CNTNAP2: variants seen among roughly 807,000 people sequenced by gnomAD.
The protein encoded by CNTNAP2 is contactin-associated protein-like 2.
Under a neutral mutation model 155.2 loss-of-function variants are expected in CNTNAP2, and 98 were observed. That is an observed-to-expected ratio of 0.63 (90% CI 0.54 to 0.75). The LOEUF is 0.75. Among genes scored for constraint, CNTNAP2 ranks in the 30% least tolerant of loss-of-function variants. The pLI, the probability that CNTNAP2 is intolerant of heterozygous loss-of-function variation, is 0.00. For missense variants in CNTNAP2, 1,727 were observed against 1,688.1 expected (o/e 1.02, Z -0.40); for synonymous variants, 651 against 631.2 (o/e 1.03, Z -0.47).
intron 21 of CNTNAP2, among the ~76,000 whole-genome samples, chr7:148,322,692 A>C (rs1797814747): frequency 6.6e-6 from 1 of 152,058 alleles, no homozygotes; most frequent in South Asian, 2.1e-4. Flanking sequence ...CAGTTTATCC[A>C]ACCTTATTTC....
At chr7:147,981,730 C>T (rs1801533101) in intron 15 of CNTNAP2, among the ~76,000 whole-genome samples, 1 of 151,700 alleles carries the variant, frequency 6.6e-6, no homozygotes, top group South Asian at 2.1e-4. Context: ...TCAGTGCATG[C>T]CACTCAGATC....
At chr7:147,942,633 C>T (rs879411921) in intron 14 of CNTNAP2, among the ~76,000 whole-genome samples, 2 of 152,024 alleles carry the variant, frequency 1.3e-5, no homozygotes, top group Admixed American at 1.3e-4. Flanking sequence ...AATTGTCACC[C>T]TAAAATTTAG....
rs181061265 is a variant in CNTNAP2 at position 148,309,677 on chromosome 7, C to T, written c.3475+42551C>T. Among the ~76,000 whole-genome samples, 11 of 151,284 alleles carry T rather than the reference C, an allele frequency of 7.3e-5. No individual in the cohort carries two copies. The South Asian group carries it at 8.3e-4, about 11-fold the overall frequency. ...ATGAGCCAGGAGAAGGAATTTCACA[C>T]GATAATGTCATCAGTTAAGGCATGA... On this transcript the variant is annotated intron_variant, in intron 21 of 23. Coordinates refer to ENST00000361727, the MANE Select transcript of CNTNAP2 (RefSeq NM_014141.6).
At chr7:147,639,725 T>C (rs1795243491) in intron 13 of CNTNAP2, among the ~76,000 whole-genome samples, 1 of 152,176 alleles carries the variant, frequency 6.6e-6, no homozygotes, top group South Asian at 2.1e-4. Context: ...AATTTAGAGC[T>C]CTTTCTTCCC....
chr7:148,167,001 T>C (rs571484342), intron 17 of CNTNAP2, among the ~76,000 whole-genome samples: 1 of 152,320 alleles, frequency 6.6e-6, no homozygotes, highest in Non-Finnish European at 1.5e-5. Flanking sequence ...ACCTTCTAGC[T>C]CACTGTCCCA....
At chr7:148,149,559 G>T (rs545310991) in intron 17 of CNTNAP2, among the ~76,000 whole-genome samples, 3 of 152,234 alleles carry the variant, frequency 2.0e-5, no homozygotes, top group Admixed American at 1.3e-4. Context: ...GTGTGTGTGT[G>T]TTTTGAGATG....
intron 14 of CNTNAP2, among the ~76,000 whole-genome samples, chr7:147,921,135 A>G (rs2116780487): frequency 6.6e-6 from 1 of 151,988 alleles, no homozygotes; most frequent in Non-Finnish European, 1.5e-5. Context: ...TTTAACAGGC[A>G]GAGAAATGAT....
At chr7:147,478,767 G>A (rs906853979) in intron 10 of CNTNAP2, among the ~76,000 whole-genome samples, 3 of 152,144 alleles carry the variant, frequency 2.0e-5, no homozygotes, top group Non-Finnish European at 4.4e-5. Flanking sequence ...CTTAAAGAAA[G>A]CCTGGAAAAT....
At chr7:146,924,734 T>C (rs138054389) in intron 3 of CNTNAP2, among the ~76,000 whole-genome samples, 137 of 152,294 alleles carry the variant, frequency 9.0e-4, no homozygotes, top group African/African-American at 2.4e-3. Flanking sequence ...AATTCTAATC[T>C]TAATTGTAGT....
intron 1 of CNTNAP2, among the ~76,000 whole-genome samples, chr7:146,501,908 C>T (rs997188218): frequency 1.3e-5 from 2 of 151,972 alleles, no homozygotes; most frequent in Non-Finnish European, 2.9e-5. Context: ...TATTCATCAA[C>T]AAGCCATGGA....
chr7:146,245,841 C>T (rs1482292629), intron 1 of CNTNAP2, among the ~76,000 whole-genome samples: 1 of 149,524 alleles, frequency 6.7e-6, no homozygotes, highest in East Asian at 1.9e-4. Context: ...ATGACGGGTG[C>T]AAAGGAATAG....
At chr7:146,948,486 A>T (rs147098449) in intron 3 of CNTNAP2, among the ~76,000 whole-genome samples, 1 of 152,120 alleles carries the variant, frequency 6.6e-6, no homozygotes, top group Non-Finnish European at 1.5e-5. Context: ...CTATACTTTT[A>T]TAAATTAATG....
chr7:146,395,570 A>G (rs947189880), intron 1 of CNTNAP2, among the ~76,000 whole-genome samples: 1 of 152,122 alleles, frequency 6.6e-6, no homozygotes, highest in African/African-American at 2.4e-5. Flanking sequence ...AACTATTGCT[A>G]TGGGAAATGA....
At chr7:146,684,047 C>T (rs1208731868) in intron 1 of CNTNAP2, among the ~76,000 whole-genome samples, 2 of 152,184 alleles carry the variant, frequency 1.3e-5, no homozygotes, top group Non-Finnish European at 2.9e-5. Context: ...TCTTGGGTTA[C>T]GGCTCTCTCT....
chr7:148,371,023 G>A (rs999428166), intron 21 of CNTNAP2, among the ~76,000 whole-genome samples: 1 of 152,130 alleles, frequency 6.6e-6, no homozygotes, highest in African/African-American at 2.4e-5. Flanking sequence ...GCTCTGTCCA[G>A]AACTGATCAC....
In CNTNAP2 at chr7:146,835,029, C is replaced by T. The variant is rs1029812441; in HGVS notation, c.209-4682C>T. Among the ~76,000 whole-genome samples, 3 of 152,154 alleles carry T rather than the reference C, an allele frequency of 2.0e-5. No homozygotes were observed. The East Asian group carries it at 5.8e-4, about 29-fold the overall frequency. ...CTTTTGCCCTCCCCTTGAGGTTAAT[C>T]ACTACAGTATTCTCTCCACATATAT... On this transcript the variant is annotated intron_variant, in intron 2 of 23. Coordinates refer to ENST00000361727, the MANE Select transcript of CNTNAP2 (RefSeq NM_014141.6).
chr7:147,593,903 C>T (rs118127517), intron 12 of CNTNAP2, among the ~76,000 whole-genome samples: 1 of 152,146 alleles, frequency 6.6e-6, no homozygotes, highest in Non-Finnish European at 1.5e-5. Context: ...TAGTATAAAA[C>T]AGGCTCTCTC....
At chr7:147,299,077 A>G (rs1465791000) in intron 8 of CNTNAP2, among the ~76,000 whole-genome samples, 3 of 152,050 alleles carry the variant, frequency 2.0e-5, no homozygotes, top group Non-Finnish European at 2.9e-5. Flanking sequence ...TGTAACTTCT[A>G]CCTGTGGATT....
At position 146,483,285 on chromosome 7, in the gene CNTNAP2, ATATATATATAT is replaced by A. The variant is rs1563101648; in HGVS notation, c.98-290985_98-290975del. 8.0e-3 allele frequency among the ~76,000 whole-genome samples: 377 copies of A among 47,208 alleles called. 15 individuals carry two copies. Among genetic ancestry groups the A allele is most frequent in the African/African-American group, 0.033 (288 of 8,782 alleles). 31.0% of individuals were successfully genotyped at this position (47,208 alleles called of 152,430 possible). A position where few individuals can be genotyped will look rare whatever the true frequency, so the allele number is the denominator to read the frequency against. On this transcript the variant is annotated intron_variant, in intron 1 of 23. Coordinates refer to ENST00000361727, the MANE Select transcript of CNTNAP2 (RefSeq NM_014141.6). ...AGCAAGACTCCGTCTAAAAAAAAATATATATATATATATATATATATATATATATATATATA... is the reference window on the plus strand; with the variant it reads ...AGCAAGACTCCGTCTAAAAAAAAATAATATATATATATATATATATATATA...
Sources: gnomAD v4.1 joint callset for allele counts (sites outside exome capture counted in the v4.1 genomes callset) on GRCh38, gnomAD v4.1.1 for gene constraint, MANE v1.5 for transcripts, NCBI Gene and HGNC (gene_info 2026-07-23, HGNC 2026-07-21) for gene names.